The following ADAM32 variants were observed in gnomAD, a reference collection of about 807,000 sequenced individuals.
ADAM32 encodes the protein ADAM metallopeptidase domain 32, also known as disintegrin and metalloproteinase domain-containing protein 32.
A neutral mutation model predicts 114.9 loss-of-function variants in ADAM32; 89 were observed. The observed-to-expected ratio is 0.77, with a 90% CI of 0.65 to 0.92. The LOEUF (loss-of-function observed/expected upper bound fraction) is 0.92. Ranked by LOEUF, ADAM32 falls within the 40% of genes least tolerant of loss-of-function variation. The pLI, the probability that ADAM32 is intolerant of heterozygous loss-of-function variation, is 0.00. For missense variants in ADAM32, 870 were observed against 932.8 expected (o/e 0.93, Z 0.88); for synonymous variants, 285 against 307.5 (o/e 0.93, Z 0.77).
At chr8:39,180,046 C>T (rs1038214914) in intron 10 of ADAM32, among the ~76,000 whole-genome samples, 13 of 152,236 alleles carry the variant, frequency 8.5e-5, no homozygotes, top group African/African-American at 2.9e-4. Context: ...CACCGCTGCA[C>T]TGTGGGAGCC....
intron 18 of ADAM32, 132 bp downstream of exon 18, chr8:39,254,648 A>G (rs1811526626): frequency 1.6e-6 from 1 of 606,886 alleles, no homozygotes; most frequent in East Asian, 3.2e-5. Flanking sequence ...GAATTCTCTC[A>G]AGGAATGGAA....
chr8:39,178,533 G>T (rs1436552864), intron 10 of ADAM32, among the ~76,000 whole-genome samples: 2 of 152,146 alleles, frequency 1.3e-5, no homozygotes, highest in Non-Finnish European at 2.9e-5. Context: ...AGCCATCTCT[G>T]CCTCAGCCCA....
At position 39,283,622 on chromosome 8, in the gene ADAM32, T is replaced by C; in HGVS notation, c.2355T>C (p.Ser785=). The C allele has an allele frequency of 6.3e-7, 1 of 1,594,964 alleles. No homozygotes were observed. Among genetic ancestry groups the C allele is most frequent in the Non-Finnish European group, 8.6e-7 (1 of 1,166,438 alleles). ...KSQDSTQTQS[S]SN ...AGGACAGTACCCAAACACAAAGCAGTAGGTAAGTATATTAGAAGGTGTTTC... is the reference window on the plus strand; with the variant it reads ...AGGACAGTACCCAAACACAAAGCAGCAGGTAAGTATATTAGAAGGTGTTTC... Residue 785 remains serine, a splice_region_variant and synonymous_variant, in exon 24 of 25, where the codon AGT becomes AGC. Coordinates refer to ENST00000379907, the MANE Select transcript of ADAM32 (RefSeq NM_145004.7).
At chr8:39,230,351 C>T (rs576748799) in intron 14 of ADAM32, among the ~76,000 whole-genome samples, 5 of 152,174 alleles carry the variant, frequency 3.3e-5, no homozygotes, top group African/African-American at 9.6e-5. Flanking sequence ...TGGGAGAGAG[C>T]GTTTAAGGGA....
intron 14 of ADAM32, 30 bp from the exon 15 acceptor site, chr8:39,231,997 T>C: frequency 6.5e-7 from 1 of 1,532,288 alleles, no homozygotes; most frequent in South Asian, 1.1e-5. Context: ...AATAAACATT[T>C]TAATCCAAAT....
intron 11 of ADAM32, among the ~76,000 whole-genome samples, chr8:39,207,056 G>A (rs1035063788): frequency 2.0e-5 from 3 of 152,156 alleles, no homozygotes; most frequent in African/African-American, 7.2e-5. Flanking sequence ...GACTGTAGCT[G>A]TCCACAATAG....
chr8:39,263,713 C>G (rs1469745588), intron 19 of ADAM32, among the ~76,000 whole-genome samples: 1 of 152,180 alleles, frequency 6.6e-6, no homozygotes, highest in African/African-American at 2.4e-5. Flanking sequence ...TCACCCCACT[C>G]GAGCTCTGGG....
At chr8:39,111,427 G>C (rs1448725837) in intron 1 of ADAM32, among the ~76,000 whole-genome samples, 1 of 152,122 alleles carries the variant, frequency 6.6e-6, no homozygotes, top group Non-Finnish European at 1.5e-5. Context: ...GATTAGGATA[G>C]TCTTGACATA....
intron 18 of ADAM32, among the ~76,000 whole-genome samples, chr8:39,256,144 C>G (rs747627499): frequency 2.6e-5 from 4 of 151,626 alleles, no homozygotes; most frequent in Non-Finnish European, 4.4e-5. Flanking sequence ...TTGTCTATGG[C>G]CATACCAGCC....
At chr8:39,201,778 T>C (rs1807433347) in intron 11 of ADAM32, among the ~76,000 whole-genome samples, 1 of 152,184 alleles carries the variant, frequency 6.6e-6, no homozygotes. Flanking sequence ...CATAAATAGC[T>C]CTTATTATTT....
chr8:39,171,582 T>C (rs1805201280), intron 10 of ADAM32, among the ~76,000 whole-genome samples: 1 of 152,112 alleles, frequency 6.6e-6, no homozygotes, highest in Non-Finnish European at 1.5e-5. Flanking sequence ...GTTTAAACTA[T>C]AGATATACAA....
intron 12 of ADAM32, among the ~76,000 whole-genome samples, chr8:39,219,656 C>T (rs989448922): frequency 2.6e-5 from 4 of 152,216 alleles, no homozygotes; most frequent in Admixed American, 1.3e-4. Context: ...GTTGACAATT[C>T]AAGACATTCT....
chr8:39,148,085 A>G (rs935349028), intron 4 of ADAM32, among the ~76,000 whole-genome samples: 3 of 152,078 alleles, frequency 2.0e-5, no homozygotes, highest in Non-Finnish European at 4.4e-5. Flanking sequence ...AGCCTCAGTC[A>G]GTTCTCAACA....
At chr8:39,230,776 T>G (rs1040399375) in intron 14 of ADAM32, among the ~76,000 whole-genome samples, 1 of 152,090 alleles carries the variant, frequency 6.6e-6, no homozygotes, top group Non-Finnish European at 1.5e-5. Context: ...AAGGTGCAGG[T>G]AAACAGGAGA....
intron 6 of ADAM32, among the ~76,000 whole-genome samples, chr8:39,152,149 G>A (rs1234477948): frequency 1.5e-4 from 23 of 151,980 alleles, no homozygotes; most frequent in Admixed American, 1.4e-3. Flanking sequence ...ACTCAATAAA[G>A]TCAATAATTT....
chr8:39,266,677 A>G (rs1161028407), intron 19 of ADAM32, among the ~76,000 whole-genome samples: 2 of 152,186 alleles, frequency 1.3e-5, no homozygotes, highest in African/African-American at 4.8e-5. Flanking sequence ...CTGGTTAAGA[A>G]CAATAGCTGG....
chr8:39,284,388 C>T (rs1184424344), intron 24 of ADAM32, among the ~76,000 whole-genome samples: 4 of 151,822 alleles, frequency 2.6e-5, no homozygotes, highest in Middle Eastern at 3.4e-3. Context: ...TACACACACA[C>T]ACACACACAC....
intron 2 of ADAM32, among the ~76,000 whole-genome samples, chr8:39,122,572 A>C (rs1188201502): frequency 6.6e-6 from 1 of 152,100 alleles, no homozygotes; most frequent in Non-Finnish European, 1.5e-5. Flanking sequence ...AGAAAATAAC[A>C]TTTCTGTTTT....
At chr8:39,118,426 TG>T (rs1840464409) in intron 2 of ADAM32, among the ~76,000 whole-genome samples, 1 of 152,156 alleles carries the variant, frequency 6.6e-6, no homozygotes, top group African/African-American at 2.4e-5. Context: ...GTGTTTTATC[TG>T]AGTGATATCT....
Sources: allele counts gnomAD v4.1 joint callset (sites outside exome capture counted in the v4.1 genomes callset), GRCh38; gene constraint gnomAD v4.1.1; transcripts MANE v1.5; gene names NCBI Gene and HGNC (gene_info 2026-07-23, HGNC 2026-07-21).